FRMD3: variants seen among roughly 807,000 people sequenced by gnomAD.
FRMD3 encodes the protein FERM domain containing 3.
FRMD3 carries 33 observed loss-of-function variants against 70.2 expected under a neutral mutation model. That is an observed-to-expected ratio of 0.47 (90% CI 0.36 to 0.63). FRMD3 has a LOEUF of 0.63. Ranked by LOEUF, FRMD3 falls within the 20% of genes least tolerant of loss-of-function variation. FRMD3 has a pLI of 0.00. For synonymous variants in FRMD3, 279 were observed against 255.9 expected (o/e 1.09, Z -0.86); for missense variants, 632 against 711.4 (o/e 0.89, Z 1.27).
At chr9:83,345,189 G>A (rs1823914745) in intron 4 of FRMD3, among the ~76,000 whole-genome samples, 1 of 152,246 alleles carries the variant, frequency 6.6e-6, no homozygotes, top group East Asian at 1.9e-4. Context: ...GTGGGCACTG[G>A]GGGCATGGTG....
intron 1 of FRMD3, among the ~76,000 whole-genome samples, chr9:83,528,015 T>C (rs1829720217): frequency 6.6e-6 from 1 of 152,228 alleles, no homozygotes; most frequent in South Asian, 2.1e-4. Context: ...CTGCAACATT[T>C]TTCTGTTTTC....
At chr9:83,578,247 C>T in the FRMD3 span, among the ~76,000 whole-genome samples, 152 of 151,988 alleles carry the variant, frequency 1.0e-3, no homozygotes, top group African/African-American at 3.1e-3. Flanking sequence ...TTCTACCAAA[C>T]ATTTAAAGAA....
chr9:83,583,135 A>C, the FRMD3 span, among the ~76,000 whole-genome samples: 1 of 152,164 alleles, frequency 6.6e-6, no homozygotes, highest in African/African-American at 2.4e-5. Flanking sequence ...AATCTCTTCT[A>C]TTTTTGAGAA....
chr9:83,562,611 G>A, the FRMD3 span, among the ~76,000 whole-genome samples: 3 of 152,202 alleles, frequency 2.0e-5, no homozygotes, highest in African/African-American at 7.2e-5. Context: ...TAGCTGTCCT[G>A]TTCACCACAC....
chr9:83,532,334 G>A (rs1352740820), intron 1 of FRMD3, among the ~76,000 whole-genome samples: 1 of 152,116 alleles, frequency 6.6e-6, no homozygotes, highest in Non-Finnish European at 1.5e-5. Flanking sequence ...GTCTGCTATA[G>A]AGAGCTGTGC....
At chr9:83,272,067 T>TCCCTCC (rs1270314354) in intron 13 of FRMD3, among the ~76,000 whole-genome samples, 1 of 151,748 alleles carries the variant, frequency 6.6e-6, no homozygotes, top group Admixed American at 6.6e-5. Context: ...GCTCTCCCTC[T>TCCCTCC]CCCTCCCCCT....
intron 5 of FRMD3, among the ~76,000 whole-genome samples, chr9:83,342,065 CTCTCTCTCTT>C (rs1311968643): frequency 3.3e-5 from 5 of 151,708 alleles, no homozygotes; most frequent in Non-Finnish European, 7.4e-5. Context: ...CTCTCTCTCT[CTCTCTCTCTT>C]TCCCCCAGCC....
chr9:83,294,028 C>T (rs1834558441), intron 12 of FRMD3, among the ~76,000 whole-genome samples: 1 of 152,160 alleles, frequency 6.6e-6, no homozygotes. Context: ...TCCCACCTTT[C>T]GCTATTGTGA....
chr9:83,538,349 A>C lies in FRMD3; in HGVS notation c.-118T>G. 3 of 976,548 alleles carry C rather than the reference A, an allele frequency of 3.1e-6. No individual in the cohort carries two copies. Among genetic ancestry groups the C allele is most frequent in the Non-Finnish European group, 2.7e-6 (2 of 753,762 alleles). The allele number at this position is 976,548 out of a possible 1,614,324, so 60.5% of individuals were successfully genotyped here. On this transcript the variant is annotated 5_prime_UTR_variant, in exon 1 of 14. The change abolishes an upstream ATG in the 5' untranslated region. Transcript: ENST00000304195. This position sits in a 1 kb window ranked among gnomAD's most constrained non-coding sequence, Gnocchi z 4.7. ...CCTGGGCGCGGCTCAGCCCCGGGAC[A>C]TCGGCAGCGTCGGGCGCCTGCGGAC...
In FRMD3 at chr9:83,349,742, G is replaced by T. The variant is rs527559683; in HGVS notation, c.311C>A (p.Thr104Asn). The T allele has an allele frequency of 3.1e-6, 5 of 1,610,992 alleles. No individual in the cohort carries two copies. The Admixed American group carries it at 6.7e-5, about 22-fold the overall frequency. The stretch of plus-strand genomic sequence containing the variant: ...GTAGAATTTCACTCTAAAGCACATG[G>T]TGTATGGTGGATGAGCTGAAACATC... ...FKQMKTHPPY[T>N]MCFRVKFYPH... The change falls in exon 4 of 14, where the codon ACC becomes AAC. Residue 104 changes from threonine to asparagine, a missense_variant. Physicochemically the swap from Thr to Asn is moderately conservative, Grantham distance 65. Transcript: ENST00000304195.
Position 83,340,380 on chromosome 9 carries a change from A to T in FRMD3, c.472+2810T>A, listed in dbSNP as rs1367813999. ...GAAATGCACAATAAGCCCAAAAACA[A>T]CTCAAGATCTAAGTGTTTGCAAGAA... On this transcript the variant is annotated intron_variant, in intron 5 of 13. Coordinates refer to ENST00000304195, the MANE Select transcript of FRMD3 (RefSeq NM_174938.6). Among the ~76,000 whole-genome samples, 3 of 152,208 alleles carry T rather than the reference A, an allele frequency of 2.0e-5. No homozygotes were observed. In the East Asian group the frequency reaches 5.8e-4, roughly 29 times the overall value.
chr9:83,313,583 G>T, intron 7 of FRMD3, 77 bp downstream of exon 7: 3 of 1,153,862 alleles, frequency 2.6e-6, no homozygotes, highest in Non-Finnish European at 3.9e-6. Context: ...ACAAGGCTCT[G>T]CCAGGCCTGC....
chr9:83,272,522 C>T (rs544756447), intron 13 of FRMD3, among the ~76,000 whole-genome samples: 1 of 152,178 alleles, frequency 6.6e-6, no homozygotes, highest in Non-Finnish European at 1.5e-5. Flanking sequence ...TCTGCCCGGC[C>T]GCCACCCCCT....
At chr9:83,491,413 G>C (rs756184957) in intron 1 of FRMD3, among the ~76,000 whole-genome samples, 14 of 152,218 alleles carry the variant, frequency 9.2e-5, no homozygotes, top group Admixed American at 2.0e-4. Context: ...TGGAGACACA[G>C]AGCACACTGG....
chr9:83,312,691 G>T (rs993991838), intron 7 of FRMD3, among the ~76,000 whole-genome samples: 1 of 152,162 alleles, frequency 6.6e-6, no homozygotes, highest in African/African-American at 2.4e-5. Context: ...CTGGCTCTCC[G>T]CCTTGGCTGC....
intron 1 of FRMD3, among the ~76,000 whole-genome samples, chr9:83,439,842 G>A (rs1388697805): frequency 6.6e-6 from 1 of 152,166 alleles, no homozygotes; most frequent in Non-Finnish European, 1.5e-5. Context: ...TAAGCAGTAA[G>A]TAAACAAAGA....
chr9:83,395,394 T>A (rs913079094), intron 1 of FRMD3, among the ~76,000 whole-genome samples: 3 of 152,104 alleles, frequency 2.0e-5, no homozygotes, highest in Non-Finnish European at 4.4e-5. Flanking sequence ...TAAACTTGTG[T>A]CATGGGGGTT....
intron 1 of FRMD3, among the ~76,000 whole-genome samples, chr9:83,495,259 C>G (rs1372505871): frequency 6.6e-6 from 1 of 152,078 alleles, no homozygotes; most frequent in Non-Finnish European, 1.5e-5. Flanking sequence ...AAGAAGAGGA[C>G]AAGTTTCCAG....
intron 1 of FRMD3, among the ~76,000 whole-genome samples, chr9:83,429,221 G>A (rs925869629): frequency 5.9e-5 from 9 of 152,072 alleles, no homozygotes; most frequent in Admixed American, 2.0e-4. Flanking sequence ...GATGCCTCCC[G>A]TCACATCTGA....
Sources: allele counts gnomAD v4.1 joint callset (sites outside exome capture counted in the v4.1 genomes callset), GRCh38; gene constraint gnomAD v4.1.1; non-coding constraint Gnocchi (gnomAD v3.1); transcripts MANE v1.5; gene names NCBI Gene and HGNC (gene_info 2026-07-23, HGNC 2026-07-21).